The following CSMD1 variants were observed in gnomAD, a reference collection of about 807,000 sequenced individuals.
CSMD1 encodes CUB and Sushi multiple domains 1.
Under a neutral mutation model 417.5 loss-of-function variants are expected in CSMD1, and 213 were observed. The ratio of observed to expected loss-of-function variants is 0.51; its 90% CI spans 0.46 to 0.57. The LOEUF is 0.57. Ranked by LOEUF, CSMD1 falls within the 20% of genes least tolerant of loss-of-function variation. The pLI, the probability that CSMD1 is intolerant of heterozygous loss-of-function variation, is 0.00. For synonymous variants in CSMD1, 2,862 were observed against 1,736.8 expected (o/e 1.65, Z -16.11); for missense variants, 6,923 against 4,529.7 (o/e 1.53, Z -15.17).
At chr8:4,066,723 C>T (rs534722768) in intron 3 of CSMD1, among the ~76,000 whole-genome samples, 22 of 152,126 alleles carry the variant, frequency 1.4e-4, no homozygotes, top group African/African-American at 4.3e-4. Flanking sequence ...TTGTTTGGGA[C>T]GAGAGTGAAG....
chr8:4,070,889 T>A (rs1799520163), intron 3 of CSMD1, among the ~76,000 whole-genome samples: 1 of 152,246 alleles, frequency 6.6e-6, no homozygotes, highest in South Asian at 2.1e-4. Context: ...TTGTTTACTT[T>A]CTTTTTGCTT....
At chr8:4,643,469 C>G (rs1375440169) in intron 1 of CSMD1, among the ~76,000 whole-genome samples, 2 of 152,074 alleles carry the variant, frequency 1.3e-5, no homozygotes, top group East Asian at 1.9e-4. Context: ...TAAACATTGC[C>G]TTACTCCTAC....
At chr8:4,986,884 T>G (rs186322437) in intron 1 of CSMD1, among the ~76,000 whole-genome samples, 1 of 152,192 alleles carries the variant, frequency 6.6e-6, no homozygotes, top group Non-Finnish European at 1.5e-5. Context: ...GTGAAAACGT[T>G]ATTAGATTTT....
intron 4 of CSMD1, among the ~76,000 whole-genome samples, chr8:4,007,968 T>A (rs937053615): frequency 6.6e-6 from 1 of 152,200 alleles, no homozygotes; most frequent in Non-Finnish European, 1.5e-5. Context: ...AGATAAAAAT[T>A]AATTACCAAA....
chr8:3,686,651 T>C (rs2129030971), intron 7 of CSMD1, among the ~76,000 whole-genome samples: 1 of 152,282 alleles, frequency 6.6e-6, no homozygotes, highest in Middle Eastern at 3.4e-3. Flanking sequence ...AAACAAACCT[T>C]GCTACACTAA....
chr8:4,710,492 C>A (rs1475302561), intron 1 of CSMD1, among the ~76,000 whole-genome samples: 1 of 147,272 alleles, frequency 6.8e-6, no homozygotes, highest in Non-Finnish European at 1.5e-5. Flanking sequence ...GTATCTCTGT[C>A]TCTCTCAAAT....
Position 2,973,193 on chromosome 8 carries a change from C to T in CSMD1, c.8847G>A (p.Gly2949=), listed in dbSNP as rs567032012. Residue 2949 remains glycine, a synonymous_variant, in exon 57 of 70, where the codon GGG becomes GGA. Coordinates refer to ENST00000635120, the MANE Select transcript of CSMD1 (RefSeq NM_033225.6). ...KSLLRFSCEM[G]HQLRGSPERT... is the part of the protein sequence containing the mutation. The stretch of plus-strand genomic sequence containing the variant: ...GTTCAGGGGAGCCCCTCAGCTGGTG[C>T]CCCATTTCACAGGAGAAGCGGAGAA... 2.0e-5 allele frequency: 32 copies of T among 1,613,720 alleles called. No homozygotes were observed. The African/African-American group carries it at 3.9e-4, about 20-fold the overall frequency.
chr8:4,637,242 C>A (rs1247136593), intron 2 of CSMD1, 100 bp downstream of exon 2: 2 of 1,076,376 alleles, frequency 1.9e-6, no homozygotes, highest in South Asian at 1.5e-5. Flanking sequence ...CGGAAGGAAC[C>A]AACTCCGGAC....
chr8:3,359,122 T>G (rs1029976661), intron 21 of CSMD1, 30 bp downstream of exon 21: 1 of 1,609,688 alleles, frequency 6.2e-7, no homozygotes. Flanking sequence ...CCCCCATGGA[T>G]GAATGAAATG....
intron 3 of CSMD1, among the ~76,000 whole-genome samples, chr8:4,195,825 G>C (rs977952099): frequency 2.6e-5 from 4 of 152,148 alleles, no homozygotes; most frequent in Non-Finnish European, 4.4e-5. Flanking sequence ...CAAGCCTGTA[G>C]ATGAGGAGGC....
chr8:3,192,176 C>A (rs1275285375), intron 33 of CSMD1, among the ~76,000 whole-genome samples: 1 of 152,138 alleles, frequency 6.6e-6, no homozygotes, highest in Non-Finnish European at 1.5e-5. Context: ...GTCTACCTTT[C>A]TAACAGCACT....
chr8:4,272,487 C>G (rs1022342419), intron 3 of CSMD1, among the ~76,000 whole-genome samples: 1 of 152,220 alleles, frequency 6.6e-6, no homozygotes, highest in African/African-American at 2.4e-5. Flanking sequence ...GATAACTATA[C>G]ACGATCACAG....
At chr8:3,672,771 C>T (rs774961406) in intron 7 of CSMD1, among the ~76,000 whole-genome samples, 1 of 152,190 alleles carries the variant, frequency 6.6e-6, no homozygotes, top group African/African-American at 2.4e-5. Flanking sequence ...GGCTGCATAT[C>T]AGGCTCTTCT....
At chr8:3,196,660 G>T (rs184547495) in intron 33 of CSMD1, among the ~76,000 whole-genome samples, 6 of 152,212 alleles carry the variant, frequency 3.9e-5, no homozygotes, top group South Asian at 2.1e-4. Context: ...TGATTCAGAG[G>T]GGGGTGAAAG....
At chr8:3,347,494 C>A (rs1271974838) in intron 22 of CSMD1, among the ~76,000 whole-genome samples, 4 of 152,184 alleles carry the variant, frequency 2.6e-5, no homozygotes, top group Non-Finnish European at 5.9e-5. Flanking sequence ...GCTGGATTTA[C>A]CTCCATTATC....
chr8:4,015,765 C>G (rs1168775964), intron 4 of CSMD1, among the ~76,000 whole-genome samples: 2 of 150,192 alleles, frequency 1.3e-5, no homozygotes, highest in South Asian at 2.1e-4. Context: ...TAGGTGAATA[C>G]TTATCTTAAA....
At chr8:4,524,526 T>C (rs1585201136) in intron 2 of CSMD1, among the ~76,000 whole-genome samples, 1 of 151,096 alleles carries the variant, frequency 6.6e-6, no homozygotes, top group South Asian at 2.1e-4. Context: ...GACAGCAGGG[T>C]ATGAACCCTG....
chr8:4,406,806 G>C (rs923296406), intron 3 of CSMD1, among the ~76,000 whole-genome samples: 1 of 152,188 alleles, frequency 6.6e-6, no homozygotes, highest in Non-Finnish European at 1.5e-5. Flanking sequence ...TGATGAAGGT[G>C]ACTAACAAAG....
At chr8:3,191,610 G>C (rs1309963083) in intron 33 of CSMD1, among the ~76,000 whole-genome samples, 1 of 152,070 alleles carries the variant, frequency 6.6e-6, no homozygotes, top group East Asian at 1.9e-4. Flanking sequence ...TTGGATAGTG[G>C]GTACTGACAG....
Sources: allele counts gnomAD v4.1 joint callset (sites outside exome capture counted in the v4.1 genomes callset), GRCh38; gene constraint gnomAD v4.1.1; transcripts MANE v1.5; gene names NCBI Gene and HGNC (gene_info 2026-07-23, HGNC 2026-07-21).